Variants in USP16 observed in about 807,000 individuals in gnomAD.
USP16 encodes the protein ubiquitin specific peptidase 16, also known as ubiquitin carboxyl-terminal hydrolase 16.
Under a neutral mutation model 95.9 loss-of-function variants are expected in USP16, and 77 were observed. The ratio of observed to expected loss-of-function variants is 0.80; its 90% CI spans 0.67 to 0.97. The LOEUF (loss-of-function observed/expected upper bound fraction) is 0.97. USP16 is among the 50% of genes least tolerant of loss of function. The pLI is 0.00. For synonymous variants in USP16, 303 were observed against 318.2 expected (o/e 0.95, Z 0.51); for missense variants, 943 against 959.9 (o/e 0.98, Z 0.23).
intron 10 of USP16, among the ~76,000 whole-genome samples, chr21:29,041,610 T>C (rs1322023807): frequency 1.3e-5 from 2 of 152,158 alleles, no homozygotes; most frequent in Non-Finnish European, 2.9e-5. Flanking sequence ...CTGGTATCTT[T>C]TATCAGTCTT....
chr21:29,053,620 A>G, intron 16 of USP16, 182 bp from the exon 17 acceptor site: 1 of 547,830 alleles, frequency 1.8e-6, no homozygotes, highest in Non-Finnish European at 3.0e-6. Context: ...TGGTGAATTT[A>G]TAATAAAAAC....
At chr21:29,037,670 C>G (rs1233897961) in intron 6 of USP16, among the ~76,000 whole-genome samples, 1 of 144,792 alleles carries the variant, frequency 6.9e-6, no homozygotes, top group Non-Finnish European at 1.5e-5. Flanking sequence ...ACTGCAGCCT[C>G]TACCTCTTGG....
chr21:29,043,861 C>T (rs149560995), intron 13 of USP16, among the ~76,000 whole-genome samples: 105 of 151,774 alleles, frequency 6.9e-4, no homozygotes, highest in Non-Finnish European at 1.1e-3. Flanking sequence ...ACTTAATTTT[C>T]GAGTTAATAT....
At position 29,039,018 on chromosome 21, in the gene USP16, A is replaced by G. The variant is rs758682462; in HGVS notation, c.733-8A>G. On this transcript the variant is annotated splice_region_variant and splice_polypyrimidine_tract_variant and intron_variant, in intron 7 of 17. Coordinates refer to ENST00000399976, the MANE Select transcript of USP16 (RefSeq NM_006447.3). ...ACTGAAGAAAGTAATTTCTTTTCCC[A>G]TATTCAGGAACCATTAGAAATAAAC... 4.0e-6 allele frequency: 6 copies of G among 1,498,400 alleles called. No homozygotes were observed. The highest frequency in any genetic ancestry group is 1.8e-4 in the Middle Eastern group (1 of 5,576). The allele number at this position is 1,498,400 out of a possible 1,614,324, so 92.8% of individuals were successfully genotyped here. A position where few individuals can be genotyped will look rare whatever the true frequency, so the allele number is the denominator to read the frequency against.
intron 10 of USP16, 142 bp from the exon 11 acceptor site, chr21:29,041,871 A>G (rs1210502367): frequency 4.6e-6 from 3 of 655,180 alleles, no homozygotes; most frequent in Admixed American, 2.8e-5. Context: ...AAAAAAGGTG[A>G]TTATGAATGG....
In USP16 at chr21:29,053,880, C is replaced by T; in HGVS notation, c.2272C>T (p.His758Tyr). 6.2e-7 allele frequency: 1 copy of T among 1,614,202 alleles called. No homozygotes were observed. The highest frequency in any genetic ancestry group is 8.5e-7 in the Non-Finnish European group (1 of 1,180,024). ...ACACAGTGGTACTATGAGGTCGGGGCATTACACTGCCTATGCCAAGGCAAG... is the reference window on the plus strand; with the variant it reads ...ACACAGTGGTACTATGAGGTCGGGGTATTACACTGCCTATGCCAAGGCAAG... ...VEHSGTMRSG[H>Y]YTAYAKARTA... is the part of the protein sequence containing the mutation. Residue 758 changes from histidine (H) to tyrosine (Y), a missense_variant, in exon 17 of 18, where the codon CAT becomes TAT. His to Tyr is a moderately conservative substitution (Grantham distance 83, BLOSUM62 2). Coordinates refer to ENST00000399976, the MANE Select transcript of USP16 (RefSeq NM_006447.3).
chr21:29,050,019 A>G (rs2085389854), intron 15 of USP16, 73 bp from the exon 16 acceptor site: 5 of 1,333,620 alleles, frequency 3.7e-6, no homozygotes, highest in Non-Finnish European at 4.2e-6. Context: ...TGGACGTCGG[A>G]GGGGACTTCG....
chr21:29,049,234 G>A (rs773934056), intron 15 of USP16, among the ~76,000 whole-genome samples: 1 of 152,148 alleles, frequency 6.6e-6, no homozygotes, highest in African/African-American at 2.4e-5. Context: ...AAAGACATTG[G>A]TGCCTTGGAT....
intron 14 of USP16, among the ~76,000 whole-genome samples, chr21:29,048,065 G>GTGTGTA (rs1340770505): frequency 6.7e-6 from 1 of 148,922 alleles, no homozygotes; most frequent in African/African-American, 2.5e-5. Flanking sequence ...GTGTGTGTGT[G>GTGTGTA]TGTGTGTGTG....
intron 13 of USP16, among the ~76,000 whole-genome samples, chr21:29,044,547 A>C (rs1310404357): frequency 1.3e-5 from 2 of 150,994 alleles, no homozygotes; most frequent in East Asian, 3.9e-4. Flanking sequence ...TCCCAGGTTC[A>C]AGTGATTCTC....
At chr21:29,036,151 G>A (rs944839855) in intron 4 of USP16, 120 bp from the exon 5 acceptor site, 7 of 754,658 alleles carry the variant, frequency 9.3e-6, no homozygotes, top group Middle Eastern at 2.7e-4. Context: ...GAATTTTTAC[G>A]TTCGGTTTCT....
chr21:29,037,169 G>T, intron 5 of USP16, 107 bp from the exon 6 acceptor site: 1 of 642,930 alleles, frequency 1.6e-6, no homozygotes, highest in Non-Finnish European at 2.3e-6. Context: ...GGGTTGGAAA[G>T]AATGACTTCA....
intron 11 of USP16, 94 bp downstream of exon 11, chr21:29,042,198 A>G: frequency 1.7e-6 from 2 of 1,152,172 alleles, no homozygotes; most frequent in Non-Finnish European, 2.5e-6. Context: ...CCTTCATAGG[A>G]TATCTTTTTA....
intron 12 of USP16, chr21:29,043,150 A>G (rs1333867658): frequency 4.6e-6 from 1 of 218,056 alleles, no homozygotes; most frequent in African/African-American, 2.3e-5. Flanking sequence ...AGTGTGACAC[A>G]GCATGTATCT....
In USP16 at chr21:29,047,135, G is replaced by A. The variant is rs1233771782; in HGVS notation, c.1825G>A (p.Val609Ile). 2 of 1,614,096 alleles carry A rather than the reference G, an allele frequency of 1.2e-6. No homozygotes were observed. The highest frequency in any genetic ancestry group is 8.5e-7 in the Non-Finnish European group (1 of 1,179,994). The change falls in exon 14 of 18, where the codon GTA becomes ATA. Residue 609 changes from valine (V) to isoleucine (I), a missense_variant. Coordinates refer to ENST00000399976, the MANE Select transcript of USP16 (RefSeq NM_006447.3). ...TCCTGGAACAAAGGTGTATGAGGTT[G>A]TAAATGAAGATCCAGAAACTGCTTT... ...HTPGTKVYEV[V>I]NEDPETAFCT...
intron 7 of USP16, 151 bp downstream of exon 7, chr21:29,038,581 G>T: frequency 3.1e-6 from 2 of 639,174 alleles, no homozygotes; most frequent in Non-Finnish European, 5.5e-6. Flanking sequence ...GCTAATAGAA[G>T]TTATAAGGAG....
intron 16 of USP16, among the ~76,000 whole-genome samples, chr21:29,051,178 T>C (rs1445209074): frequency 6.6e-6 from 1 of 151,964 alleles, no homozygotes; most frequent in African/African-American, 2.4e-5. Context: ...TAAATTGAGA[T>C]AGGATATATA....
chr21:29,048,676 GT>G, intron 14 of USP16, 84 bp from the exon 15 acceptor site: 1 of 1,057,862 alleles, frequency 9.5e-7, no homozygotes, highest in South Asian at 1.5e-5. Context: ...TGCTTTAGAT[GT>G]TTGGAATGAT....
Position 29,048,749 on chromosome 21 carries a change from T to C in USP16, c.2012-12T>C. The C allele has an allele frequency of 6.2e-7, 1 of 1,608,698 alleles. No individual in the cohort carries two copies. ...GATTTTCTCCCTGTTAAAAATTTCTTCTTTTCTTTAGGTGAAAGGAAGCAT... is the reference window on the plus strand; with the variant it reads ...GATTTTCTCCCTGTTAAAAATTTCTCCTTTTCTTTAGGTGAAAGGAAGCAT... On this transcript the variant is annotated splice_polypyrimidine_tract_variant and intron_variant, in intron 14 of 17. Transcript: ENST00000399976.
Sources: gnomAD v4.1 joint callset for allele counts (sites outside exome capture counted in the v4.1 genomes callset) on GRCh38, gnomAD v4.1.1 for gene constraint, MANE v1.5 for transcripts, NCBI Gene and HGNC (gene_info 2026-07-23, HGNC 2026-07-21) for gene names.